The following SVOP variants were observed in gnomAD, a reference collection of about 807,000 sequenced individuals.
SVOP encodes the protein SV2 related protein.
Under a neutral mutation model 69.1 loss-of-function variants are expected in SVOP, and 17 were observed. That is an observed-to-expected ratio of 0.25 (90% confidence interval 0.17 to 0.37). SVOP has a LOEUF of 0.37. Ranked by LOEUF, SVOP falls within the 10% of genes least tolerant of loss-of-function variation. SVOP has a pLI of 1.00. For missense variants in SVOP, 435 were observed against 597.5 expected (o/e 0.73, Z 2.84); for synonymous variants, 238 against 238.6 (o/e 1.00, Z 0.02).
chr12:108,993,243 G>C (rs141292373), intron 1 of SVOP, among the ~76,000 whole-genome samples: 302 of 152,078 alleles, frequency 2.0e-3, no homozygotes, highest in African/African-American at 6.8e-3. Context: ...CCTGACCTCA[G>C]ATGATCCACC....
intron 10 of SVOP, among the ~76,000 whole-genome samples, chr12:108,935,164 G>A (rs1295185683): frequency 6.6e-6 from 1 of 152,152 alleles, no homozygotes; most frequent in African/African-American, 2.4e-5. Context: ...ATCTTTTAGG[G>A]CTCTGGGTCA....
intron 1 of SVOP, among the ~76,000 whole-genome samples, chr12:108,999,073 C>T (rs1343233976): frequency 6.9e-5 from 9 of 130,852 alleles, no homozygotes; most frequent in East Asian, 2.2e-4. Context: ...ACCCATCTCA[C>T]GTGCAGAGAC....
intron 5 of SVOP, among the ~76,000 whole-genome samples, chr12:108,969,794 C>A (rs2040068340): frequency 6.6e-6 from 1 of 151,270 alleles, no homozygotes; most frequent in South Asian, 2.1e-4. Flanking sequence ...CATGCCATCA[C>A]TCATATGCTC....
intron 9 of SVOP, among the ~76,000 whole-genome samples, chr12:108,938,255 T>C (rs1352037231): frequency 6.6e-6 from 1 of 152,250 alleles, no homozygotes; most frequent in African/African-American, 2.4e-5. Context: ...GGATGGTTCT[T>C]GAGGGCAGGG....
At chr12:108,945,043 T>C in intron 7 of SVOP, 60 bp downstream of exon 7, 3 of 1,474,522 alleles carry the variant, frequency 2.0e-6, no homozygotes, top group Non-Finnish European at 1.8e-6. Context: ...GTTCAAGACA[T>C]CTGAGAACCT....
chr12:108,908,032 A>G lies in SVOP; in HGVS notation c.*4503T>C, dbSNP rs1310612411. 1 of 148,592 alleles carries G rather than the reference A, an allele frequency of 6.7e-6. No individual in the cohort carries two copies. The highest frequency in any genetic ancestry group is 6.9e-5 in the Admixed American group (1 of 14,514). The allele number at this position is 148,592 out of a possible 1,614,324, so 9.2% of individuals were successfully genotyped here. On this transcript the variant is annotated 3_prime_UTR_variant, in exon 16 of 16. Transcript: ENST00000610966. ...TTGAATTGGACCAAGACTCAATCCAACACTAAACTGGGCCAATCAGCTTCA... is the reference window on the plus strand; with the variant it reads ...TTGAATTGGACCAAGACTCAATCCAGCACTAAACTGGGCCAATCAGCTTCA...
intron 1 of SVOP, among the ~76,000 whole-genome samples, chr12:109,008,630 C>T (rs528633648): frequency 3.3e-5 from 5 of 152,102 alleles, no homozygotes; most frequent in Non-Finnish European, 7.3e-5. Flanking sequence ...TTATCAGGGG[C>T]TGGTAACTCT....
intron 1 of SVOP, among the ~76,000 whole-genome samples, chr12:109,003,310 C>G (rs1056678328): frequency 7.2e-5 from 11 of 152,210 alleles, no homozygotes; most frequent in African/African-American, 2.4e-4. Flanking sequence ...ACCTGGGCAT[C>G]TACTGCTCTT....
intron 1 of SVOP, among the ~76,000 whole-genome samples, chr12:109,016,601 C>T (rs939607404): frequency 4.6e-5 from 7 of 152,128 alleles, no homozygotes; most frequent in African/African-American, 1.4e-4. Flanking sequence ...GTTTCTTCTT[C>T]CTGGAATGTT....
intron 6 of SVOP, among the ~76,000 whole-genome samples, chr12:108,954,113 CAAAAAAAAAA>C (rs760331681): frequency 3.2e-5 from 2 of 61,992 alleles, no homozygotes; most frequent in Non-Finnish European, 6.6e-5. Context: ...GAATCTGTCT[CAAAAAAAAAA>C]AAAAAAAAAA....
intron 1 of SVOP, among the ~76,000 whole-genome samples, chr12:108,986,341 G>A (rs1285932626): frequency 6.6e-6 from 1 of 152,164 alleles, no homozygotes; most frequent in Non-Finnish European, 1.5e-5. Flanking sequence ...TTAAAACACT[G>A]TATTCCTGGC....
chr12:108,946,811 C>G (rs1028134734), intron 6 of SVOP, among the ~76,000 whole-genome samples: 6 of 151,708 alleles, frequency 4.0e-5, no homozygotes, highest in Admixed American at 6.6e-5. Context: ...CTCCACCTCC[C>G]GGGTTCAAGC....
At position 108,912,394 on chromosome 12, in the gene SVOP, C is replaced by G. The variant is rs1289481348; in HGVS notation, c.*141G>C. 2 of 1,513,920 alleles carry G rather than the reference C, an allele frequency of 1.3e-6. No homozygotes were observed. The allele number at this position is 1,513,920 out of a possible 1,614,324, so 93.8% of individuals were successfully genotyped here. A position where few individuals can be genotyped will look rare whatever the true frequency, so the allele number is the denominator to read the frequency against. On this transcript the variant is annotated 3_prime_UTR_variant, in exon 16 of 16. Coordinates refer to ENST00000610966, the MANE Select transcript of SVOP (RefSeq NM_018711.5). ...CTCAATGAAGATGAGCAAACTGAGT[C>G]AAGACACAAAACCCTGTTGGTCCAG...
At chr12:108,939,018 C>G in intron 8 of SVOP, 63 bp from the exon 9 acceptor site, 1 of 1,610,086 alleles carries the variant, frequency 6.2e-7, no homozygotes, top group Non-Finnish European at 8.5e-7. Context: ...GCACTCGCTT[C>G]TAGCCACACA....
chr12:108,942,448 C>T (rs2039896762), intron 7 of SVOP, among the ~76,000 whole-genome samples: 1 of 152,260 alleles, frequency 6.6e-6, no homozygotes, highest in African/African-American at 2.4e-5. Flanking sequence ...CACTCTCCAT[C>T]CTTTTCCACT....
At chr12:108,960,110 G>A (rs149158853) in intron 6 of SVOP, among the ~76,000 whole-genome samples, 1 of 152,142 alleles carries the variant, frequency 6.6e-6, no homozygotes, top group African/African-American at 2.4e-5. Context: ...AGTCCAACAC[G>A]CATTTTCTAT....
intron 1 of SVOP, among the ~76,000 whole-genome samples, chr12:109,009,953 A>G (rs909600056): frequency 1.3e-5 from 2 of 151,946 alleles, no homozygotes; most frequent in Non-Finnish European, 2.9e-5. Flanking sequence ...AGAGTGAATG[A>G]GATACTATTA....
chr12:108,972,691 G>C (rs1455978039), intron 4 of SVOP, among the ~76,000 whole-genome samples: 1 of 152,240 alleles, frequency 6.6e-6, no homozygotes, highest in Non-Finnish European at 1.5e-5. Flanking sequence ...TTACAGATGA[G>C]GGAACTGAGA....
intron 1 of SVOP, among the ~76,000 whole-genome samples, chr12:109,018,105 G>GA (rs1566070595): frequency 0.12 from 12,848 of 110,624 alleles, 674 homozygotes; most frequent in South Asian, 0.19. Context: ...AGAATGGATG[G>GA]ATGAATGAAT....
Sources: gnomAD v4.1 joint callset for allele counts (sites outside exome capture counted in the v4.1 genomes callset) on GRCh38, gnomAD v4.1.1 for gene constraint, MANE v1.5 for transcripts, NCBI Gene and HGNC (gene_info 2026-07-23, HGNC 2026-07-21) for gene names.